ZNF705G: variants seen among roughly 807,000 people sequenced by gnomAD.
The protein encoded by ZNF705G is putative zinc finger protein 705G.
In ZNF705G, 23 loss-of-function variants were observed where a neutral mutation model predicts 19.6. The observed-to-expected ratio is 1.17, with a 90% CI of 0.84 to 1.66. The LOEUF is 1.66. Ranked by LOEUF, ZNF705G falls within the 40% of genes most tolerant of loss-of-function variation. The pLI is 0.00. For missense variants in ZNF705G, 457 were observed against 354.4 expected, an observed-to-expected ratio of 1.29 and a Z score of -2.32; for synonymous variants, 146 against 117.7, an observed-to-expected ratio of 1.24 and a Z score of -1.56.
rs200247421 is a variant in ZNF705G at position 7,357,603 on chromosome 8, C to T, written c.*373G>A. 2 of 330,626 alleles carry T rather than the reference C, an allele frequency of 6.0e-6. No homozygotes were observed. The highest frequency in any genetic ancestry group is 1.1e-5 in the Non-Finnish European group (2 of 188,324). The allele number at this position is 330,626 out of a possible 1,614,324, so 20.5% of individuals were successfully genotyped here. ...ATTGACAGTTTCAGCTCTCTCATGT[C>T]ACTTATGCTCAGATCACTAACAAGT... On this transcript the variant is annotated 3_prime_UTR_variant, in exon 7 of 7. Coordinates refer to ENST00000400156, the MANE Select transcript of ZNF705G (RefSeq NM_001164457.3).
intron 1 of ZNF705G, among the ~76,000 whole-genome samples, chr8:7,382,726 C>A (rs1807550314): frequency 6.8e-6 from 1 of 146,724 alleles, no homozygotes; most frequent in Non-Finnish European, 1.5e-5. Flanking sequence ...ATACCACTGA[C>A]ATTACCTTAT....
intron 2 of ZNF705G, among the ~76,000 whole-genome samples, chr8:7,370,131 C>T (rs1287224679): frequency 6.8e-6 from 1 of 147,748 alleles, no homozygotes; most frequent in Non-Finnish European, 1.5e-5. Context: ...ATTAGCTGGG[C>T]ATGGTGCCGG....
chr8:7,358,426 T>C lies in ZNF705G; in HGVS notation c.453A>G (p.Lys151=), dbSNP rs1204208641. ...KKPYVSKQCG[K]SLRNLLSTEP... is the part of the protein sequence containing the mutation. Reference sequence around the variant, plus strand: ...CAGTGGACAAAAGATTACGAAGGGATTTTCCACACTGTTTGCTGACATAGG... The same window carrying C: ...CAGTGGACAAAAGATTACGAAGGGACTTTCCACACTGTTTGCTGACATAGG... The change falls in exon 7 of 7, where the codon AAA becomes AAG. Residue 151 remains lysine, a synonymous_variant. Coordinates refer to ENST00000400156, the MANE Select transcript of ZNF705G (RefSeq NM_001164457.3). The C allele has an allele frequency of 6.2e-7, 1 of 1,607,552 alleles. No individual in the cohort carries two copies. Among genetic ancestry groups the C allele is most frequent in the East Asian group, 2.2e-5 (1 of 44,876 alleles).
intron 2 of ZNF705G, among the ~76,000 whole-genome samples, chr8:7,365,208 T>C (rs1192247848): frequency 2.7e-5 from 4 of 149,498 alleles, no homozygotes; most frequent in Non-Finnish European, 5.9e-5. Context: ...AAGCAATCTT[T>C]AGGAGAAACT....
intron 2 of ZNF705G, among the ~76,000 whole-genome samples, chr8:7,363,945 AC>A (rs1806726172): frequency 6.7e-6 from 1 of 149,492 alleles, no homozygotes; most frequent in Non-Finnish European, 1.5e-5. Flanking sequence ...TAGCAGGAGT[AC>A]CCCGAGTCAT....
chr8:7,365,375 AT>A (rs71253679), intron 2 of ZNF705G, among the ~76,000 whole-genome samples: 27,064 of 111,068 alleles, frequency 0.24, 881 homozygotes, highest in East Asian at 0.34. Flanking sequence ...GTCTCTCTCT[AT>A]TTTTTTTTTT....
intron 3 of ZNF705G, among the ~76,000 whole-genome samples, chr8:7,362,376 A>G (rs1806643419): frequency 6.7e-6 from 1 of 149,336 alleles, no homozygotes; most frequent in Non-Finnish European, 1.5e-5. Context: ...ATTTTATCAA[A>G]CTCTTCTTTT....
chr8:7,385,201 G>A (rs1235897088), intron 1 of ZNF705G, among the ~76,000 whole-genome samples: 2 of 148,182 alleles, frequency 1.3e-5, no homozygotes, highest in Non-Finnish European at 2.9e-5. Flanking sequence ...GGGCCAAGTG[G>A]GTAAAGGTCA....
In ZNF705G at chr8:7,356,192, G is replaced by A. The variant is rs1806228142; in HGVS notation, c.*1784C>T. ...CATTTTGCTTCAGGAAAAGTACATT[G>A]AATCAAATATAGGAAAGGCTTGCAA... is the stretch of plus-strand genomic sequence containing the variant. On this transcript the variant is annotated 3_prime_UTR_variant, in exon 7 of 7. Transcript: ENST00000400156. 6.7e-6 allele frequency: 1 copy of A among 149,530 alleles called. No homozygotes were observed. Among genetic ancestry groups the A allele is most frequent in the Non-Finnish European group, 1.5e-5 (1 of 68,082 alleles). 9.3% of individuals were successfully genotyped at this position (149,530 alleles called of 1,614,324 possible).
intron 1 of ZNF705G, among the ~76,000 whole-genome samples, chr8:7,383,316 G>A (rs1807587928): frequency 6.8e-6 from 1 of 147,074 alleles, no homozygotes; most frequent in African/African-American, 2.7e-5. Flanking sequence ...GTAAAACACT[G>A]AAATTCCTCC....
chr8:7,380,296 CT>C (rs1340806860), intron 2 of ZNF705G, among the ~76,000 whole-genome samples: 1 of 146,632 alleles, frequency 6.8e-6, no homozygotes, highest in African/African-American at 2.8e-5. Context: ...ATTGCTGTCA[CT>C]ACCACTACCC....
At chr8:7,371,311 G>C (rs2698851) in intron 2 of ZNF705G, among the ~76,000 whole-genome samples, 13,000 of 135,450 alleles carry the variant, frequency 0.096, 542 homozygotes, top group African/African-American at 0.3. Flanking sequence ...AGGGGCCGTG[G>C]TGCTGGGGAA....
In ZNF705G at chr8:7,358,599, A is replaced by G. The variant is rs1217573531; in HGVS notation, c.319-39T>C. The G allele has an allele frequency of 3.1e-6, 5 of 1,605,110 alleles. 1 individual carries two copies. The highest frequency in any genetic ancestry group is 4.5e-5 in the East Asian group (2 of 44,850). On this transcript the variant is annotated intron_variant, in intron 6 of 6. Transcript: ENST00000400156. ...ATTAAAAGCTCTTAATGGTTTACCC[A>G]CATATATCTATACATTCATTTCACT...
intron 2 of ZNF705G, among the ~76,000 whole-genome samples, chr8:7,372,325 T>TTGAGAATCCC (rs1229581298): frequency 6.6e-6 from 1 of 152,192 alleles, no homozygotes; most frequent in Non-Finnish European, 1.5e-5. Context: ...ATAGTAATGA[T>TTGAGAATCCC]TGAGAATCCC....
Position 7,360,234 on chromosome 8 carries a change from T to C in ZNF705G, c.235+3A>G, listed in dbSNP as rs754584790. 1 of 1,592,174 alleles carries C rather than the reference T, an allele frequency of 6.3e-7. No individual in the cohort carries two copies. Among genetic ancestry groups the C allele is most frequent in the African/African-American group, 1.4e-5 (1 of 70,844 alleles). On this transcript the variant is annotated splice_donor_region_variant and intron_variant, in intron 5 of 6. Transcript: ENST00000400156. ...TATTAGAGCACAGGACCCTGTTGCTTACTTGGATTCTGGTCTTGAAGAAAT... is the reference window on the plus strand; with the variant it reads ...TATTAGAGCACAGGACCCTGTTGCTCACTTGGATTCTGGTCTTGAAGAAAT...
intron 2 of ZNF705G, 59 bp from the exon 3 acceptor site, chr8:7,363,076 C>T (rs1449629014): frequency 5.7e-6 from 9 of 1,584,404 alleles, no homozygotes; most frequent in South Asian, 1.1e-5. Flanking sequence ...TCAGATCAAT[C>T]TGTGATGAAA....
intron 1 of ZNF705G, among the ~76,000 whole-genome samples, chr8:7,384,753 TA>T (rs1333093688): frequency 1.4e-4 from 20 of 144,896 alleles, no homozygotes; most frequent in Non-Finnish European, 1.8e-4. Flanking sequence ...TTTCACTTAT[TA>T]AATGTTAGCA....
chr8:7,380,373 C>T (rs571723623), intron 2 of ZNF705G, among the ~76,000 whole-genome samples: 1 of 147,688 alleles, frequency 6.8e-6, no homozygotes, highest in Non-Finnish European at 1.5e-5. Flanking sequence ...CCTGTGCATG[C>T]CTTCTTGTGA....
intron 2 of ZNF705G, among the ~76,000 whole-genome samples, chr8:7,380,086 G>A (rs1467808818): frequency 2.8e-5 from 4 of 143,772 alleles, no homozygotes; most frequent in Non-Finnish European, 4.4e-5. Context: ...CATTCACTAG[G>A]GAGGCTGCCC....
Sources: gnomAD v4.1 joint callset for allele counts (sites outside exome capture counted in the v4.1 genomes callset) on GRCh38, gnomAD v4.1.1 for gene constraint, MANE v1.5 for transcripts, NCBI Gene and HGNC (gene_info 2026-07-23, HGNC 2026-07-21) for gene names.